PDGFD: variants seen among roughly 807,000 people sequenced by gnomAD.
PDGFD encodes platelet-derived growth factor D.
In PDGFD, 30 loss-of-function variants were observed where a neutral mutation model predicts 44.7. The observed-to-expected ratio is 0.67, with a 90% CI of 0.50 to 0.91. PDGFD has a LOEUF of 0.91. PDGFD is among the 40% of genes least tolerant of loss of function. The probability of loss-of-function intolerance (pLI) is 0.00; values close to 1 mark genes in which losing one functional copy is unlikely to be tolerated. For synonymous variants in PDGFD, 173 were observed against 168.4 expected (o/e 1.03, Z -0.21); for missense variants, 445 against 457.8 (o/e 0.97, Z 0.25).
intron 3 of PDGFD, among the ~76,000 whole-genome samples, chr11:103,984,994 TAA>T: frequency 1.0e-5 from 1 of 99,936 alleles, no homozygotes; most frequent in Non-Finnish European, 2.0e-5. Context: ...CATATTAATT[TAA>T]TATGTTATAT....
chr11:103,990,671 T>C (rs1859436087), intron 3 of PDGFD, among the ~76,000 whole-genome samples: 1 of 152,126 alleles, frequency 6.6e-6, no homozygotes, highest in Non-Finnish European at 1.5e-5. Flanking sequence ...CAGTGGGATA[T>C]ATTTGAGGGA....
At chr11:103,976,269 T>C (rs974310073) in intron 3 of PDGFD, among the ~76,000 whole-genome samples, 1 of 152,154 alleles carries the variant, frequency 6.6e-6, no homozygotes, top group Non-Finnish European at 1.5e-5. Context: ...GTTGTATTCC[T>C]AGGTATTTTT....
At chr11:104,001,138 G>C (rs560468872) in intron 1 of PDGFD, among the ~76,000 whole-genome samples, 6 of 152,256 alleles carry the variant, frequency 3.9e-5, no homozygotes, top group African/African-American at 1.4e-4. Context: ...CCAACCTCTG[G>C]GGATGAAAGA....
intron 4 of PDGFD, among the ~76,000 whole-genome samples, chr11:103,946,763 T>C (rs532440200): frequency 1.3e-5 from 2 of 152,320 alleles, no homozygotes; most frequent in Non-Finnish European, 2.9e-5. Context: ...CAAAGATCTC[T>C]CCAATCTTTT....
At chr11:103,974,566 T>G (rs922606468) in intron 3 of PDGFD, among the ~76,000 whole-genome samples, 6 of 152,108 alleles carry the variant, frequency 3.9e-5, no homozygotes, top group African/African-American at 1.2e-4. Flanking sequence ...ACCCATCAAC[T>G]CATCATCTAG....
intron 6 of PDGFD, among the ~76,000 whole-genome samples, chr11:103,925,015 C>T (rs938883594): frequency 6.6e-6 from 1 of 151,908 alleles, no homozygotes; most frequent in Non-Finnish European, 1.5e-5. Flanking sequence ...TCCCTGTGTC[C>T]CTGTGTTCAA....
At chr11:103,970,423 G>C (rs1859086644) in intron 3 of PDGFD, among the ~76,000 whole-genome samples, 1 of 152,096 alleles carries the variant, frequency 6.6e-6, no homozygotes, top group South Asian at 2.1e-4. Context: ...TGAGGCAACT[G>C]TTAAGATACT....
chr11:104,003,673 A>G lies in PDGFD; in HGVS notation c.125-3418T>C, dbSNP rs531411668. Among the ~76,000 whole-genome samples, 3 of 152,304 alleles carry G rather than the reference A, an allele frequency of 2.0e-5. No homozygotes were observed. In the South Asian group the frequency reaches 6.2e-4, roughly 32 times the overall value. On this transcript the variant is annotated intron_variant, in intron 1 of 6. Coordinates refer to ENST00000393158, the MANE Select transcript of PDGFD (RefSeq NM_025208.5). ...TTAGAGGAATGTAAGTTTGGTTTTG[A>G]AGTGGTGATGAGTAATTCAAGTGGA... is the stretch of plus-strand genomic sequence containing the variant.
intron 1 of PDGFD, among the ~76,000 whole-genome samples, chr11:104,100,064 T>C (rs549831471): frequency 6.6e-6 from 1 of 152,090 alleles, no homozygotes; most frequent in African/African-American, 2.4e-5. Flanking sequence ...GTCGACTACA[T>C]GCATGATGCC....
intron 3 of PDGFD, among the ~76,000 whole-genome samples, chr11:103,966,771 C>T (rs1226227925): frequency 6.6e-6 from 1 of 152,204 alleles, no homozygotes; most frequent in African/African-American, 2.4e-5. Flanking sequence ...CACAATATCA[C>T]TTCCAAGAGG....
chr11:104,031,910 T>C (rs1860131657), intron 1 of PDGFD, among the ~76,000 whole-genome samples: 1 of 152,128 alleles, frequency 6.6e-6, no homozygotes, highest in African/African-American at 2.4e-5. Flanking sequence ...GCCAAACGTC[T>C]CATGTTCTCA....
At chr11:104,044,193 A>G (rs2134401306) in intron 1 of PDGFD, among the ~76,000 whole-genome samples, 1 of 152,372 alleles carries the variant, frequency 6.6e-6, no homozygotes, top group East Asian at 1.9e-4. Context: ...AAAACCGAGA[A>G]TGGAACCTAA....
At chr11:103,916,135 T>G (rs182925445) in intron 6 of PDGFD, among the ~76,000 whole-genome samples, 2 of 151,890 alleles carry the variant, frequency 1.3e-5, no homozygotes, top group East Asian at 3.9e-4. Context: ...AAAAAAAAAC[T>G]GTCATCAGAG....
chr11:104,002,337 A>G (rs1859632475), intron 1 of PDGFD, among the ~76,000 whole-genome samples: 1 of 152,218 alleles, frequency 6.6e-6, no homozygotes, highest in Admixed American at 6.5e-5. Flanking sequence ...AGATGACTAG[A>G]TCATGGGGTG....
intron 1 of PDGFD, among the ~76,000 whole-genome samples, chr11:104,029,471 A>C (rs1860092758): frequency 6.6e-6 from 1 of 152,262 alleles, no homozygotes; most frequent in Non-Finnish European, 1.5e-5. Flanking sequence ...AAAGCTACAT[A>C]AACAACAATC....
At chr11:104,036,598 A>G (rs1860237275) in intron 1 of PDGFD, 1 of 578,082 alleles carries the variant, frequency 1.7e-6, no homozygotes, top group Non-Finnish European at 3.1e-6. Context: ...ACTTTGGAAC[A>G]CAACGTGCTA....
At chr11:104,162,680 C>A (rs1862407922) in intron 1 of PDGFD, among the ~76,000 whole-genome samples, 1 of 151,974 alleles carries the variant, frequency 6.6e-6, no homozygotes, top group Non-Finnish European at 1.5e-5. Flanking sequence ...CCTGCAAAGT[C>A]CAAAAGTCAT....
chr11:103,965,802 C>A (rs1326691212), intron 3 of PDGFD, among the ~76,000 whole-genome samples: 3 of 152,126 alleles, frequency 2.0e-5, no homozygotes, highest in Non-Finnish European at 2.9e-5. Context: ...AACAGGAACA[C>A]CTGCACTGAG....
In PDGFD at chr11:103,998,292, C is replaced by A. The variant is rs143264610; in HGVS notation, c.329+1759G>T. 2.8e-4 allele frequency among the ~76,000 whole-genome samples: 43 copies of A among 152,194 alleles called. No homozygotes were observed. In the East Asian group the frequency reaches 8.1e-3, roughly 29 times the overall value. On this transcript the variant is annotated intron_variant, in intron 2 of 6. Transcript: ENST00000393158. Reference sequence around the variant, plus strand: ...TACCTGTTGGGAGGCCCCGAGGTAGCTTCAGAATGGAGGCTCATCACCAGA... The same window carrying A: ...TACCTGTTGGGAGGCCCCGAGGTAGATTCAGAATGGAGGCTCATCACCAGA...
Sources: allele counts gnomAD v4.1 joint callset (sites outside exome capture counted in the v4.1 genomes callset), GRCh38; gene constraint gnomAD v4.1.1; transcripts MANE v1.5; gene names NCBI Gene and HGNC (gene_info 2026-07-23, HGNC 2026-07-21).